The following KCNJ15 variants were observed in gnomAD, a reference collection of about 807,000 sequenced individuals.
KCNJ15 encodes potassium inwardly rectifying channel subfamily J member 15.
A neutral mutation model predicts 23.0 loss-of-function variants in KCNJ15; 14 were observed. The ratio of observed to expected loss-of-function variants is 0.61; its 90% CI spans 0.40 to 0.95. The LOEUF (loss-of-function observed/expected upper bound fraction) is 0.95. Among genes scored for constraint, KCNJ15 ranks in the 40% least tolerant of loss-of-function variants. The probability of loss-of-function intolerance (pLI) is 0.00; values close to 1 mark genes in which losing one functional copy is unlikely to be tolerated. For missense variants in KCNJ15, 388 were observed against 461.8 expected (o/e 0.84, Z 1.46); for synonymous variants, 185 against 183.2 (o/e 1.01, Z -0.08).
At chr21:38,242,973 G>A (rs990168984) in intron 1 of KCNJ15, among the ~76,000 whole-genome samples, 1 of 152,134 alleles carries the variant, frequency 6.6e-6, no homozygotes, top group Non-Finnish European at 1.5e-5. Context: ...AAATCAAATG[G>A]TGTAGTATGC....
intron 1 of KCNJ15, among the ~76,000 whole-genome samples, chr21:38,238,998 A>G (rs909263437): frequency 1.3e-5 from 2 of 152,210 alleles, no homozygotes; most frequent in African/African-American, 4.8e-5. Flanking sequence ...GTTTTCAAAT[A>G]TGACAATAAA....
At chr21:38,265,746 C>G (rs758602561) in intron 1 of KCNJ15, among the ~76,000 whole-genome samples, 8 of 152,140 alleles carry the variant, frequency 5.3e-5, no homozygotes, top group Non-Finnish European at 1.2e-4. Context: ...GGTAGAGAAA[C>G]AGTAAAGAAA....
upstream of KCNJ15, among the ~76,000 whole-genome samples, chr21:38,253,956 A>G (rs1275083331): frequency 6.6e-6 from 1 of 152,240 alleles, no homozygotes; most frequent in Non-Finnish European, 1.5e-5. Context: ...AAAGGTCAGT[A>G]AAATTAACCA....
chr21:38,282,467 C>T (rs141956844), intron 1 of KCNJ15, among the ~76,000 whole-genome samples: 1 of 152,252 alleles, frequency 6.6e-6, no homozygotes, highest in Admixed American at 6.5e-5. Context: ...ATTTTCTCTT[C>T]AAGATAGAAC....
chr21:38,239,850 A>T (rs1333420284), intron 1 of KCNJ15, among the ~76,000 whole-genome samples: 4 of 152,304 alleles, frequency 2.6e-5, no homozygotes, highest in Admixed American at 6.5e-5. Flanking sequence ...TGGAAACAGG[A>T]CATTTTTGCC....
chr21:38,254,004 T>C (rs1980020440), upstream of KCNJ15, among the ~76,000 whole-genome samples: 1 of 152,260 alleles, frequency 6.6e-6, no homozygotes, highest in Non-Finnish European at 1.5e-5. Flanking sequence ...TTATTTCATG[T>C]AATCTTATAC....
At chr21:38,280,756 C>G (rs188500467) in intron 1 of KCNJ15, among the ~76,000 whole-genome samples, 1 of 152,142 alleles carries the variant, frequency 6.6e-6, no homozygotes, top group Admixed American at 6.5e-5. Flanking sequence ...GAACTTTCTC[C>G]CCATAGGTGA....
intron 1 of KCNJ15, among the ~76,000 whole-genome samples, chr21:38,285,105 A>G (rs4816595): frequency 0.71 from 108,258 of 152,088 alleles, 38,910 homozygotes; most frequent in Non-Finnish European, 0.77. Flanking sequence ...ATGTCTTTTC[A>G]CCTTTTCAAC....
At position 38,301,112 on chromosome 21, in the gene KCNJ15, TG is replaced by T. The variant is rs1448792870; in HGVS notation, c.*725del. ...ATTCAAAATATTTCCATTCAAAATG[TG>T]GTTCACAGACCCGCCACATCAGCAC... On this transcript the variant is annotated 3_prime_UTR_variant, in exon 3 of 3. Coordinates refer to ENST00000398938, the MANE Select transcript of KCNJ15 (RefSeq NM_170736.3). 5 of 166,802 alleles carry T rather than the reference TG, an allele frequency of 3.0e-5. No homozygotes were observed. Among genetic ancestry groups the T allele is most frequent in the South Asian group, 2.1e-4 (1 of 4,820 alleles). The allele number at this position is 166,802 out of a possible 1,614,324, so 10.3% of individuals were successfully genotyped here. A position where few individuals can be genotyped will look rare whatever the true frequency, so the allele number is the denominator to read the frequency against.
At chr21:38,260,860 G>C (rs977080916) in intron 1 of KCNJ15, among the ~76,000 whole-genome samples, 5 of 152,244 alleles carry the variant, frequency 3.3e-5, no homozygotes, top group East Asian at 1.9e-4. Context: ...CTCCAATTCA[G>C]AGCAGTCTTA....
In KCNJ15 at chr21:38,303,437, C is replaced by G. The variant is rs965702634; in HGVS notation, c.*3048C>G. The G allele has an allele frequency of 6.6e-6, 1 of 152,024 alleles. No homozygotes were observed. Among genetic ancestry groups the G allele is most frequent in the Non-Finnish European group, 1.5e-5 (1 of 68,000 alleles). The allele number at this position is 152,024 out of a possible 1,614,324, so 9.4% of individuals were successfully genotyped here. On this transcript the variant is annotated 3_prime_UTR_variant, in exon 3 of 3. Coordinates refer to ENST00000398938, the MANE Select transcript of KCNJ15 (RefSeq NM_170736.3). ...AACAGCAGTAAATCAGTGTGCCCCA[C>G]AAGCCACGTCTTATTCAGCAATAAA...
chr21:38,256,011 A>C (rs945876407), upstream of KCNJ15, among the ~76,000 whole-genome samples: 7 of 152,064 alleles, frequency 4.6e-5, no homozygotes, highest in African/African-American at 1.7e-4. Flanking sequence ...CTCTAGGGGA[A>C]GTGCTTTTGA....
intron 1 of KCNJ15, among the ~76,000 whole-genome samples, chr21:38,265,829 A>C (rs1981402413): frequency 6.6e-6 from 1 of 152,244 alleles, no homozygotes; most frequent in South Asian, 2.1e-4. Context: ...GCCCTGACAA[A>C]GTTCCAGGGA....
Position 38,236,666 on chromosome 21 carries a change from A to G in KCNJ15, c.-398-20380A>G, listed in dbSNP as rs1978624673. Among the ~76,000 whole-genome samples, 3 of 152,244 alleles carry G rather than the reference A, an allele frequency of 2.0e-5. No homozygotes were observed. In the South Asian group the frequency reaches 6.2e-4, roughly 32 times the overall value. On this transcript the variant is annotated intron_variant, in intron 1 of 4. Coordinates refer to the KCNJ15 transcript ENST00000547341. ...ACAGGCTCTCCCTGTGAATTTATGCAGCCTTGTTTCCCCTAACGTTTCACC... is the reference window on the plus strand; with the variant it reads ...ACAGGCTCTCCCTGTGAATTTATGCGGCCTTGTTTCCCCTAACGTTTCACC...
rs181811420 is a variant in KCNJ15 at position 38,282,792 on chromosome 21, T to G, written c.-116-14134T>G. Among the ~76,000 whole-genome samples the G allele has an allele frequency of 5.3e-5, 8 of 152,260 alleles. No homozygotes were observed. The East Asian group carries it at 1.3e-3, about 26-fold the overall frequency. ...TCAGGATGAACTACTGTGCCCAGTC[T>G]ATGGGGAAAGCTAAACTCCAAGACT... On this transcript the variant is annotated intron_variant, in intron 1 of 2. Transcript: ENST00000398938.
intron 1 of KCNJ15, among the ~76,000 whole-genome samples, chr21:38,294,928 A>T (rs1486214917): frequency 6.6e-6 from 1 of 152,220 alleles, no homozygotes; most frequent in African/African-American, 2.4e-5. Flanking sequence ...AGATATCGCC[A>T]TTCTAAAAAT....
At chr21:38,254,439 A>G (rs1289255444), upstream of KCNJ15, among the ~76,000 whole-genome samples, 1 of 152,116 alleles carries the variant, frequency 6.6e-6, no homozygotes, top group African/African-American at 2.4e-5. Flanking sequence ...TATTTCTACT[A>G]CTCTGGACTC....
rs1252142522 is a variant in KCNJ15 at position 38,284,950 on chromosome 21, CCT to C, written c.-116-11975_-116-11974del. 2.0e-5 allele frequency among the ~76,000 whole-genome samples: 3 copies of C among 152,288 alleles called. No individual in the cohort carries two copies. In the East Asian group the frequency reaches 5.8e-4, roughly 29 times the overall value. On this transcript the variant is annotated intron_variant, in intron 1 of 2. Transcript: ENST00000398938. The stretch of plus-strand genomic sequence containing the variant: ...AATGATGTATTTAATGCCTCTTTTC[CCT>C]GTTTTCTTGCAAACTACCCAAGAGC...
rs768218903 is a variant in KCNJ15 at position 38,299,922 on chromosome 21, G to A, written c.661G>A (p.Val221Ile). ...QLSGKLLQTH[V>I]TKEGERILLN... Reference sequence around the variant, plus strand: ...CTCTGGCAAGCTCCTGCAGACCCACGTCACCAAGGAGGGGGAGCGGATTCT... The same window carrying A: ...CTCTGGCAAGCTCCTGCAGACCCACATCACCAAGGAGGGGGAGCGGATTCT... Residue 221 changes from valine to isoleucine, a missense_variant, in exon 3 of 3, where the codon GTC (valine) becomes ATC (isoleucine). Physicochemically the swap from Val to Ile is conservative, Grantham distance 29. Transcript: ENST00000398938. This position sits in a 1 kb window ranked among gnomAD's most constrained non-coding sequence, Gnocchi z 4.5. 10 of 1,614,026 alleles carry A rather than the reference G, an allele frequency of 6.2e-6. No homozygotes were observed. Among genetic ancestry groups the A allele is most frequent in the East Asian group, 2.2e-5 (1 of 44,866 alleles).
Sources: gnomAD v4.1 joint callset for allele counts (sites outside exome capture counted in the v4.1 genomes callset) on GRCh38, gnomAD v4.1.1 for gene constraint, Gnocchi (gnomAD v3.1) non-coding constraint, MANE v1.5 for transcripts, NCBI Gene and HGNC (gene_info 2026-07-23, HGNC 2026-07-21) for gene names.